PSMB2: variants seen among roughly 807,000 people sequenced by gnomAD.
The protein encoded by PSMB2 is proteasome subunit beta type-2.
PSMB2 carries 13 observed loss-of-function variants against 25.7 expected under a neutral mutation model. The ratio of observed to expected loss-of-function variants is 0.51; its 90% confidence interval spans 0.33 to 0.80. PSMB2 has a LOEUF of 0.80. Ranked by LOEUF, PSMB2 falls within the 30% of genes least tolerant of loss-of-function variation. The pLI, the probability that PSMB2 is intolerant of heterozygous loss-of-function variation, is 0.02. For missense variants in PSMB2, 202 were observed against 259.0 expected (o/e 0.78, Z 1.51); for synonymous variants, 87 against 96.2 (o/e 0.90, Z 0.56).
chr1:35,628,631 ATTTTTTT>A (rs138110586), intron 3 of PSMB2, among the ~76,000 whole-genome samples: 1 of 38,088 alleles, frequency 2.6e-5, no homozygotes, highest in African/African-American at 1.3e-4. Context: ...ATATATATAT[ATTTTTTT>A]TTTTTTTTTT....
At chr1:35,628,620 TATA>T (rs1557456538) in intron 3 of PSMB2, among the ~76,000 whole-genome samples, 2 of 51,910 alleles carry the variant, frequency 3.9e-5, no homozygotes, top group African/African-American at 1.6e-4. Flanking sequence ...TATATATATA[TATA>T]TATATATATT....
chr1:35,627,441 A>G (rs1650899394), intron 3 of PSMB2, among the ~76,000 whole-genome samples: 1 of 152,034 alleles, frequency 6.6e-6, no homozygotes, highest in Non-Finnish European at 1.5e-5. Flanking sequence ...GGATTGCTTG[A>G]GCCCAGGAGT....
chr1:35,615,603 G>A (rs1433108499), intron 3 of PSMB2, among the ~76,000 whole-genome samples: 1 of 152,214 alleles, frequency 6.6e-6, no homozygotes, highest in Non-Finnish European at 1.5e-5. Context: ...GCAGCGGTGT[G>A]ACATCTGGCG....
intron 3 of PSMB2, among the ~76,000 whole-genome samples, chr1:35,627,534 C>A (rs1388003396): frequency 6.6e-6 from 1 of 152,040 alleles, no homozygotes; most frequent in African/African-American, 2.4e-5. Flanking sequence ...ACAGTCCCAG[C>A]TGCCAGGGAG....
At position 35,602,286 on chromosome 1, in the gene PSMB2, T is replaced by A. The variant is rs563648177; in HGVS notation, c.*981A>T. On this transcript the variant is annotated 3_prime_UTR_variant, in exon 6 of 6. Transcript: ENST00000373237. ...GGCGGAGGTTGCAGTGAGCCAAGAT[T>A]ACGCCACAGCACTCCAGCCTGGGCT... The A allele has an allele frequency of 6.6e-6, 1 of 152,204 alleles. No homozygotes were observed. The highest frequency in any genetic ancestry group is 2.4e-5 in the African/African-American group (1 of 41,520). The allele number at this position is 152,204 out of a possible 1,614,324, so 9.4% of individuals were successfully genotyped here.
chr1:35,628,578 GAAA>G (rs67766222), intron 3 of PSMB2, among the ~76,000 whole-genome samples: 644 of 32,740 alleles, frequency 0.02, 25 homozygotes, highest in African/African-American at 0.042. Flanking sequence ...TTTCTTGGAA[GAAA>G]AAAAAAAAAA....
intron 1 of PSMB2, among the ~76,000 whole-genome samples, chr1:35,637,879 A>G (rs149451862): frequency 1.3e-5 from 2 of 152,344 alleles, no homozygotes; most frequent in African/African-American, 4.8e-5. Flanking sequence ...CTATGCAAAG[A>G]AAAAGGAGCA....
chr1:35,639,209 G>A (rs1038391476), intron 1 of PSMB2, among the ~76,000 whole-genome samples: 10 of 152,076 alleles, frequency 6.6e-5, no homozygotes, highest in Admixed American at 2.6e-4. Flanking sequence ...AGCCGAGATC[G>A]CGCCATTGCA....
At position 35,641,434 on chromosome 1, in the gene PSMB2, G is replaced by GT; in HGVS notation, c.-3dup. The GT allele has an allele frequency of 6.2e-7, 1 of 1,614,138 alleles. No individual in the cohort carries two copies. ...TTGGATACCGATGAGGTACTCCATG[G>GT]TGGCGGAAGGCCAGGGGCTGCAGGT... is the stretch of plus-strand genomic sequence containing the variant. On this transcript the variant is annotated 5_prime_UTR_variant, in exon 1 of 6. Coordinates refer to ENST00000373237, the MANE Select transcript of PSMB2 (RefSeq NM_002794.5).
At chr1:35,617,210 G>C (rs1412488544) in intron 3 of PSMB2, among the ~76,000 whole-genome samples, 1 of 152,138 alleles carries the variant, frequency 6.6e-6, no homozygotes, top group Non-Finnish European at 1.5e-5. Flanking sequence ...CACCACGCCA[G>C]GCTAATTTTG....
chr1:35,602,819 A>G lies in PSMB2; in HGVS notation c.*448T>C, dbSNP rs1650043752. 1 of 786,494 alleles carries G rather than the reference A, an allele frequency of 1.3e-6. No individual in the cohort carries two copies. Among genetic ancestry groups the G allele is most frequent in the Non-Finnish European group, 1.5e-6 (1 of 648,036 alleles). 48.7% of individuals were successfully genotyped at this position (786,494 alleles called of 1,614,324 possible). A position where few individuals can be genotyped will look rare whatever the true frequency, so the allele number is the denominator to read the frequency against. ...CTCTGGAAGAAATATTTTTCACTAC[A>G]TGTTTTTGTACTGTTTGCATGTTAC... is the stretch of plus-strand genomic sequence containing the variant. On this transcript the variant is annotated 3_prime_UTR_variant, in exon 6 of 6. Coordinates refer to ENST00000373237, the MANE Select transcript of PSMB2 (RefSeq NM_002794.5).
intron 1 of PSMB2, among the ~76,000 whole-genome samples, chr1:35,639,023 G>A (rs528112010): frequency 6.6e-6 from 1 of 151,754 alleles, no homozygotes; most frequent in African/African-American, 2.4e-5. Context: ...GGAGGCGGAG[G>A]CAGGTGGATC....
chr1:35,606,489 C>T (rs1650173648), intron 4 of PSMB2, among the ~76,000 whole-genome samples: 1 of 151,972 alleles, frequency 6.6e-6, no homozygotes, highest in Non-Finnish European at 1.5e-5. Context: ...TAAATTTAAC[C>T]AAGGAGATGA....
chr1:35,622,559 T>C (rs909175777), intron 3 of PSMB2, among the ~76,000 whole-genome samples: 2 of 152,168 alleles, frequency 1.3e-5, no homozygotes, highest in Admixed American at 6.5e-5. Context: ...ATAGGAAAGA[T>C]GCTTTAAGTG....
chr1:35,609,487 G>C, intron 3 of PSMB2, 79 bp from the exon 4 acceptor site: 2 of 1,218,402 alleles, frequency 1.6e-6, no homozygotes, highest in Non-Finnish European at 2.2e-6. Context: ...AGAATATTCT[G>C]ACTCTTCATG....
At position 35,602,040 on chromosome 1, in the gene PSMB2, A is replaced by C; in HGVS notation, c.*1227T>G. The C allele has an allele frequency of 2.8e-6, 2 of 715,438 alleles. No homozygotes were observed. The highest frequency in any genetic ancestry group is 3.4e-6 in the Non-Finnish European group (2 of 583,768). 44.3% of individuals were successfully genotyped at this position (715,438 alleles called of 1,614,324 possible). On this transcript the variant is annotated 3_prime_UTR_variant, in exon 6 of 6. Coordinates refer to ENST00000373237, the MANE Select transcript of PSMB2 (RefSeq NM_002794.5). ...GAAATAAGCAATATGCAGAACTTAA[A>C]AATACTTTTTAGCCGGGCACGGTGG...
chr1:35,609,146 A>G (rs1021311428), intron 4 of PSMB2, 100 bp downstream of exon 4: 40 of 1,213,828 alleles, frequency 3.3e-5, no homozygotes, highest in Admixed American at 1.0e-4. Context: ...GATCCATCCT[A>G]TTCAAGCCCT....
At chr1:35,611,001 ACACCAGCTGCGCCATTTAC>A (rs1650313360) in intron 3 of PSMB2, among the ~76,000 whole-genome samples, 1 of 151,712 alleles carries the variant, frequency 6.6e-6, no homozygotes, top group African/African-American at 2.4e-5. Flanking sequence ...TTTTTTTTCT[ACACCAGCTGCGCCATTTAC>A]CATGTTAAAT....
At chr1:35,606,282 G>C (rs1355976448) in intron 4 of PSMB2, among the ~76,000 whole-genome samples, 1 of 152,118 alleles carries the variant, frequency 6.6e-6, no homozygotes, top group Non-Finnish European at 1.5e-5. Context: ...CAGATGACAT[G>C]ATCTTCTATA....
Sources: allele counts gnomAD v4.1 joint callset (sites outside exome capture counted in the v4.1 genomes callset), GRCh38; gene constraint gnomAD v4.1.1; transcripts MANE v1.5; gene names NCBI Gene and HGNC (gene_info 2026-07-23, HGNC 2026-07-21).